Variants in UBR3 observed in about 807,000 individuals in gnomAD.
UBR3 encodes the protein E3 ubiquitin-protein ligase UBR3.
UBR3 carries 85 observed loss-of-function variants against 243.2 expected under a neutral mutation model. The ratio of observed to expected loss-of-function variants is 0.35; its 90% confidence interval spans 0.29 to 0.42. UBR3 has a LOEUF of 0.42. Among genes scored for constraint, UBR3 ranks in the 10% least tolerant of loss-of-function variants. UBR3 has a pLI of 1.00. For missense variants in UBR3, 1,686 were observed against 2,300.8 expected, an observed-to-expected ratio of 0.73 and a Z score of 5.47; for synonymous variants, 748 against 799.8, an observed-to-expected ratio of 0.94 and a Z score of 1.09.
At chr2:170,079,721 G>T (rs1014808950) in intron 36 of UBR3, 93 bp from the exon 37 acceptor site, 18 of 1,175,422 alleles carry the variant, frequency 1.5e-5, no homozygotes, top group Non-Finnish European at 2.1e-5. Context: ...CTTGGAGGCA[G>T]ATTTTTCTTT....
intron 23 of UBR3, among the ~76,000 whole-genome samples, chr2:169,954,905 C>A (rs919639080): frequency 1.3e-5 from 2 of 152,066 alleles, no homozygotes; most frequent in Non-Finnish European, 2.9e-5. Flanking sequence ...AGATCCAGTT[C>A]ATAATCACTC....
At chr2:169,869,626 C>CT (rs1157803166) in intron 1 of UBR3, among the ~76,000 whole-genome samples, 1 of 152,136 alleles carries the variant, frequency 6.6e-6, no homozygotes, top group African/African-American at 2.4e-5. Flanking sequence ...CTGTAATGAA[C>CT]TGTAAGTAAC....
chr2:170,073,889 G>C (rs1437731161), intron 36 of UBR3, among the ~76,000 whole-genome samples: 1 of 152,108 alleles, frequency 6.6e-6, no homozygotes, highest in African/African-American at 2.4e-5. Flanking sequence ...AGATACAAAG[G>C]AATTTTAAGG....
intron 24 of UBR3, among the ~76,000 whole-genome samples, chr2:169,971,538 A>G (rs2105376480): frequency 6.6e-6 from 1 of 152,008 alleles, no homozygotes; most frequent in Non-Finnish European, 1.5e-5. Context: ...TCAGCTTTCT[A>G]CATATGGCTA....
chr2:169,923,649 C>A (rs2085792211), intron 11 of UBR3, among the ~76,000 whole-genome samples: 1 of 152,040 alleles, frequency 6.6e-6, no homozygotes, highest in African/African-American at 2.4e-5. Context: ...TTTGCTTTAG[C>A]TGAATTGAAT....
chr2:169,829,422 GTT>G (rs35860819), intron 1 of UBR3, among the ~76,000 whole-genome samples: 14 of 133,754 alleles, frequency 1.0e-4, no homozygotes, highest in Non-Finnish European at 1.4e-4. Flanking sequence ...TAACATTTGA[GTT>G]TTTTTTTTTT....
chr2:169,977,463 A>T (rs1429686077), intron 24 of UBR3, among the ~76,000 whole-genome samples: 1 of 152,192 alleles, frequency 6.6e-6, no homozygotes. Flanking sequence ...AGAAGCTGAC[A>T]GTACAGTACC....
intron 1 of UBR3, among the ~76,000 whole-genome samples, chr2:169,846,709 CA>C (rs58234876): frequency 0.035 from 3,994 of 114,644 alleles, 116 homozygotes; most frequent in African/African-American, 0.11. Context: ...GACTCTGTCT[CA>C]AAAAAAAAAA....
chr2:169,939,486 C>T (rs1341479037), intron 19 of UBR3, among the ~76,000 whole-genome samples: 1 of 148,978 alleles, frequency 6.7e-6, no homozygotes, highest in Non-Finnish European at 1.5e-5. Context: ...CCAGGATGGT[C>T]TCGATCTCCT....
intron 1 of UBR3, among the ~76,000 whole-genome samples, chr2:169,847,399 T>C (rs2082518871): frequency 6.6e-6 from 1 of 152,188 alleles, no homozygotes; most frequent in South Asian, 2.1e-4. Context: ...TGGTTTATAG[T>C]ATATGTCTTT....
intron 20 of UBR3, among the ~76,000 whole-genome samples, chr2:169,944,912 C>G (rs2086727936): frequency 6.6e-6 from 1 of 152,016 alleles, no homozygotes; most frequent in African/African-American, 2.4e-5. Context: ...TGTGGCTGAG[C>G]CTTGGTTTTC....
At chr2:169,862,214 AT>A (rs986273109) in intron 1 of UBR3, among the ~76,000 whole-genome samples, 4 of 150,518 alleles carry the variant, frequency 2.7e-5, no homozygotes, top group South Asian at 2.1e-4. Flanking sequence ...GTTTTCATAA[AT>A]TTTTTTTTTC....
intron 1 of UBR3, among the ~76,000 whole-genome samples, chr2:169,861,187 G>C (rs770179201): frequency 2.0e-5 from 3 of 152,094 alleles, no homozygotes; most frequent in Non-Finnish European, 2.9e-5. Context: ...TAATCTCCTT[G>C]GGCAATACTC....
At chr2:170,075,933 A>AT (rs2091799154) in intron 36 of UBR3, among the ~76,000 whole-genome samples, 1 of 150,670 alleles carries the variant, frequency 6.6e-6, no homozygotes, top group Admixed American at 6.6e-5. Context: ...AAAAAACAGG[A>AT]TTCATTGGAA....
At chr2:169,971,293 G>A (rs988564578) in intron 24 of UBR3, among the ~76,000 whole-genome samples, 2 of 151,334 alleles carry the variant, frequency 1.3e-5, no homozygotes, top group African/African-American at 4.8e-5. Context: ...CACTCTGATG[G>A]TAGTTTCTTT....
At chr2:169,903,751 T>C (rs749347523) in intron 8 of UBR3, among the ~76,000 whole-genome samples, 3 of 152,142 alleles carry the variant, frequency 2.0e-5, no homozygotes, top group Non-Finnish European at 2.9e-5. Flanking sequence ...CCGGGTGTGG[T>C]GGCACATACT....
intron 1 of UBR3, among the ~76,000 whole-genome samples, chr2:169,868,343 A>T (rs2083326045): frequency 6.6e-6 from 1 of 152,024 alleles, no homozygotes; most frequent in African/African-American, 2.4e-5. Flanking sequence ...CTTTTTTTAA[A>T]TTTTTTATTT....
Position 169,882,102 on chromosome 2 carries a change from T to C in UBR3, c.1038+3528T>C, listed in dbSNP as rs1247796081. 1.8e-3 allele frequency among the ~76,000 whole-genome samples: 226 copies of C among 128,894 alleles called. 1 individual carries two copies. Among genetic ancestry groups the C allele is most frequent in the Non-Finnish European group, 2.9e-3 (186 of 64,796 alleles). 84.6% of individuals were successfully genotyped at this position (128,894 alleles called of 152,430 possible). A position where few individuals can be genotyped will look rare whatever the true frequency, so the allele number is the denominator to read the frequency against. The stretch of plus-strand genomic sequence containing the variant: ...ATATGTATGTATATATACACATATA[T>C]ATTTATATTATATATGTATATTATA... On this transcript the variant is annotated intron_variant, in intron 5 of 38. Transcript: ENST00000272793.
chr2:170,016,007 A>T (rs1309523520), intron 30 of UBR3, among the ~76,000 whole-genome samples: 1 of 151,870 alleles, frequency 6.6e-6, no homozygotes, highest in African/African-American at 2.4e-5. Flanking sequence ...CATATAGCTG[A>T]TTATTTGCCC....
Sources: gnomAD v4.1 joint callset for allele counts (sites outside exome capture counted in the v4.1 genomes callset) on GRCh38, gnomAD v4.1.1 for gene constraint, MANE v1.5 for transcripts, NCBI Gene and HGNC (gene_info 2026-07-23, HGNC 2026-07-21) for gene names.